Variants in MFF observed in about 807,000 individuals in gnomAD.
The protein encoded by MFF is mitochondrial fission factor.
In MFF, 12 loss-of-function variants were observed where a neutral mutation model predicts 36.9. The ratio of observed to expected loss-of-function variants is 0.33; its 90% CI spans 0.21 to 0.53. The LOEUF is 0.53. Among genes scored for constraint, MFF ranks in the 20% least tolerant of loss-of-function variants. MFF has a pLI of 0.95. For synonymous variants in MFF, 99 were observed against 126.2 expected, an observed-to-expected ratio of 0.78 and a Z score of 1.44; for missense variants, 348 against 366.6, an observed-to-expected ratio of 0.95 and a Z score of 0.42.
chr2:227,341,536 C>G (rs2075390582), intron 5 of MFF, among the ~76,000 whole-genome samples: 1 of 151,986 alleles, frequency 6.6e-6, no homozygotes, highest in Admixed American at 6.5e-5. Flanking sequence ...ATGCAAGATT[C>G]AACCATTAGT....
At position 227,352,717 on chromosome 2, in the gene MFF, C is replaced by T. The variant is rs558567335; in HGVS notation, c.659+144C>T. 10 of 692,508 alleles carry T rather than the reference C, an allele frequency of 1.4e-5. 1 individual carries two copies. In the South Asian group the frequency reaches 1.5e-4, roughly 10 times the overall value. 42.9% of individuals were successfully genotyped at this position (692,508 alleles called of 1,614,324 possible). A position where few individuals can be genotyped will look rare whatever the true frequency, so the allele number is the denominator to read the frequency against. On this transcript the variant is annotated intron_variant, in intron 7 of 8. Coordinates refer to ENST00000304593, the MANE Select transcript of MFF (RefSeq NM_001277062.2). ...TCCTCGATGAGTACATCTTGCTTCT[C>T]TCTAAGAACAGTGAATAATCAGTCA...
chr2:227,349,451 A>G (rs2075879969), intron 6 of MFF, among the ~76,000 whole-genome samples: 1 of 152,084 alleles, frequency 6.6e-6, no homozygotes, highest in South Asian at 2.1e-4. Flanking sequence ...TTTTCTGGGA[A>G]GGAATTCTCT....
chr2:227,332,303 A>G (rs2074658275), intron 3 of MFF, 116 bp from the exon 4 acceptor site: 1 of 783,886 alleles, frequency 1.3e-6, no homozygotes, highest in Non-Finnish European at 2.0e-6. Context: ...ACTAATGCTT[A>G]TTGGGTGGTA....
chr2:227,339,495 C>T (rs1368777555), intron 4 of MFF, among the ~76,000 whole-genome samples: 2 of 152,214 alleles, frequency 1.3e-5, no homozygotes, highest in African/African-American at 4.8e-5. Context: ...TCACTTGGTA[C>T]TAGCTGTTGT....
At chr2:227,329,778 A>AG in intron 2 of MFF, 1 of 1,580,870 alleles carries the variant, frequency 6.3e-7, no homozygotes, top group South Asian at 1.1e-5. Flanking sequence ...ACACATCACT[A>AG]GGAAGGTCAG....
chr2:227,347,125 C>CA, intron 5 of MFF, 101 bp from the exon 6 acceptor site: 1 of 988,628 alleles, frequency 1.0e-6, no homozygotes, highest in Non-Finnish European at 1.5e-6. Flanking sequence ...GGGAAAGGGG[C>CA]AAGAACACTA....
chr2:227,339,884 G>A (rs1056350415), intron 4 of MFF, among the ~76,000 whole-genome samples: 1 of 152,140 alleles, frequency 6.6e-6, no homozygotes, highest in Non-Finnish European at 1.5e-5. Flanking sequence ...AACCGTAGAA[G>A]CCAGGAAGGT....
At chr2:227,350,493 T>C (rs1470514642) in intron 6 of MFF, among the ~76,000 whole-genome samples, 2 of 152,108 alleles carry the variant, frequency 1.3e-5, no homozygotes, top group Non-Finnish European at 2.9e-5. Context: ...CAGCTTTGAG[T>C]GCATAGAATA....
At chr2:227,336,441 T>C (rs887501055) in intron 4 of MFF, among the ~76,000 whole-genome samples, 3 of 152,324 alleles carry the variant, frequency 2.0e-5, no homozygotes, top group Non-Finnish European at 2.9e-5. Context: ...ACCCCAGATA[T>C]ACACAAGAAT....
intron 2 of MFF, chr2:227,330,025 A>G (rs1262510154): frequency 9.4e-6 from 3 of 318,266 alleles, no homozygotes; most frequent in Non-Finnish European, 1.1e-5. Context: ...TTATTATTAC[A>G]AATTCTAAAT....
chr2:227,335,615 G>A (rs1471053456), intron 4 of MFF, among the ~76,000 whole-genome samples: 1 of 152,220 alleles, frequency 6.6e-6, no homozygotes, highest in African/African-American at 2.4e-5. Flanking sequence ...TCTCAAGAAA[G>A]GAGAAGGCTT....
At chr2:227,325,877 G>T (rs1015181294) in intron 1 of MFF, among the ~76,000 whole-genome samples, 1 of 152,154 alleles carries the variant, frequency 6.6e-6, no homozygotes, top group Non-Finnish European at 1.5e-5. Flanking sequence ...GGAGGTTTTT[G>T]TGTTGTTTTG....
intron 5 of MFF, among the ~76,000 whole-genome samples, chr2:227,344,942 G>A (rs1337124177): frequency 6.6e-6 from 1 of 152,040 alleles, no homozygotes; most frequent in East Asian, 1.9e-4. Context: ...TTCTACATAA[G>A]TATTTTTCAT....
At chr2:227,356,600 G>A (rs76309269) in intron 8 of MFF, among the ~76,000 whole-genome samples, 11,555 of 152,152 alleles carry the variant, frequency 0.076, 628 homozygotes, top group East Asian at 0.13. Flanking sequence ...AAGTTCATAG[G>A]AGAGGCATAG....
At position 227,329,937 on chromosome 2, in the gene MFF, C is replaced by T. The variant is rs34828267; in HGVS notation, c.-40-689C>T. ...TTCTACTGCATTAAAAAAAAAAACA[C>T]ATGTAAATATGATATTAAATACAGA... On this transcript the variant is annotated intron_variant, in intron 2 of 8. Coordinates refer to ENST00000304593, the MANE Select transcript of MFF (RefSeq NM_001277062.2). 0.29 allele frequency: 142,902 copies of T among 485,312 alleles called. 23,852 individuals are homozygous for T. The highest frequency in any genetic ancestry group is 0.38 in the South Asian group (10,860 of 28,874). The allele number at this position is 485,312 out of a possible 1,614,324, so 30.1% of individuals were successfully genotyped here. A position where few individuals can be genotyped will look rare whatever the true frequency, so the allele number is the denominator to read the frequency against.
chr2:227,354,170 G>C (rs907227153), intron 7 of MFF, among the ~76,000 whole-genome samples: 1 of 152,188 alleles, frequency 6.6e-6, no homozygotes, highest in African/African-American at 2.4e-5. Flanking sequence ...AGATTATCTA[G>C]AGTCAGTACA....
chr2:227,340,449 T>C (rs2075330496), intron 5 of MFF, 69 bp downstream of exon 5: 1 of 1,120,096 alleles, frequency 8.9e-7, no homozygotes. Context: ...ACCCATGTTT[T>C]TCTAAATAAT....
At chr2:227,325,996 T>G (rs1299088918) in intron 1 of MFF, among the ~76,000 whole-genome samples, 2 of 152,152 alleles carry the variant, frequency 1.3e-5, no homozygotes, top group Non-Finnish European at 1.5e-5. Context: ...CTCGCAGATG[T>G]GGCTGCAGGC....
chr2:227,354,189 A>G (rs750053727), intron 7 of MFF, among the ~76,000 whole-genome samples: 13 of 152,208 alleles, frequency 8.5e-5, no homozygotes, highest in East Asian at 1.9e-4. Flanking sequence ...CACACCATCT[A>G]TTGTTTAAGG....
Sources: allele counts gnomAD v4.1 joint callset (sites outside exome capture counted in the v4.1 genomes callset), GRCh38; gene constraint gnomAD v4.1.1; transcripts MANE v1.5; gene names NCBI Gene and HGNC (gene_info 2026-07-23, HGNC 2026-07-21).